The following DZIP3 variants were observed in gnomAD, a reference collection of about 807,000 sequenced individuals.
The protein encoded by DZIP3 is DAZ interacting zinc finger protein 3.
In DZIP3, 118 loss-of-function variants were observed where a neutral mutation model predicts 162.0. That is an observed-to-expected ratio of 0.73 (90% CI 0.63 to 0.85). The LOEUF is 0.85. DZIP3 is among the 40% of genes least tolerant of loss of function. The pLI is 0.00. For synonymous variants in DZIP3, 438 were observed against 458.6 expected (o/e 0.96, Z 0.57); for missense variants, 1,331 against 1,407.0 (o/e 0.95, Z 0.86).
chr3:108,689,615 A>T (rs551696386), intron 31 of DZIP3, among the ~76,000 whole-genome samples: 2 of 152,274 alleles, frequency 1.3e-5, no homozygotes, highest in East Asian at 3.9e-4. Flanking sequence ...TGAACCCAGG[A>T]GGTGGTGCTT....
At chr3:108,636,564 T>G (rs1942154940) in intron 10 of DZIP3, 52 bp from the exon 11 acceptor site, 1 of 1,139,734 alleles carries the variant, frequency 8.8e-7, no homozygotes, top group African/African-American at 1.9e-5. Flanking sequence ...TAATCAGATT[T>G]GCACATCAGT....
intron 1 of DZIP3, among the ~76,000 whole-genome samples, chr3:108,596,440 T>A (rs889828753): frequency 5.3e-5 from 8 of 152,172 alleles, no homozygotes; most frequent in African/African-American, 1.9e-4. Flanking sequence ...AAAAGACTTT[T>A]TAGGACTGAA....
chr3:108,657,791 G>A lies in DZIP3; in HGVS notation c.2199+3481G>A, dbSNP rs1943205947. On this transcript the variant is annotated intron_variant, in intron 19 of 32. Transcript: ENST00000361582. ...ATAGGCTCAAAATAAAGAGATGGAGGAAGATCTACCAAGCAAATGGAAAAC... is the reference window on the plus strand; with the variant it reads ...ATAGGCTCAAAATAAAGAGATGGAGAAAGATCTACCAAGCAAATGGAAAAC... Among the ~76,000 whole-genome samples, 3 of 152,268 alleles carry A rather than the reference G, an allele frequency of 2.0e-5. No individual in the cohort carries two copies. The South Asian group carries it at 6.2e-4, about 32-fold the overall frequency.
intron 1 of DZIP3, among the ~76,000 whole-genome samples, chr3:108,602,630 T>G (rs1940087395): frequency 6.6e-6 from 1 of 152,108 alleles, no homozygotes. Flanking sequence ...TTTACCTTTC[T>G]TTTTTTTCCT....
chr3:108,693,322 T>G (rs989936091), intron 32 of DZIP3, 38 bp from the exon 33 acceptor site: 8 of 152,214 alleles, frequency 5.3e-5, no homozygotes, highest in African/African-American at 1.9e-4. Context: ...TTAAATTATA[T>G]CTCAATATTC....
intron 12 of DZIP3, among the ~76,000 whole-genome samples, chr3:108,641,445 C>T (rs1415928320): frequency 6.6e-6 from 1 of 152,020 alleles, no homozygotes; most frequent in African/African-American, 2.4e-5. Context: ...AATTATTCTA[C>T]CATTAACAGA....
intron 4 of DZIP3, among the ~76,000 whole-genome samples, chr3:108,615,990 C>T (rs1292974600): frequency 6.6e-6 from 1 of 152,102 alleles, no homozygotes; most frequent in Non-Finnish European, 1.5e-5. Context: ...AGAGGCTGGG[C>T]GCAGTGGCTC....
rs533423058 is a variant in DZIP3 at position 108,672,909 on chromosome 3, G to A, written c.2589+253G>A. On this transcript the variant is annotated intron_variant, in intron 23 of 32. Transcript: ENST00000361582. The stretch of plus-strand genomic sequence containing the variant: ...TGAAGAAATTGGTCTGTTACAGTAT[G>A]TATAGCAAATACAGACATCTTGGGG... 2.7e-4 allele frequency among the ~76,000 whole-genome samples: 41 copies of A among 152,004 alleles called. No individual in the cohort carries two copies. The South Asian group carries it at 7.7e-3, about 28-fold the overall frequency.
At chr3:108,611,569 A>G (rs193188752) in intron 4 of DZIP3, among the ~76,000 whole-genome samples, 1 of 152,274 alleles carries the variant, frequency 6.6e-6, no homozygotes, top group East Asian at 1.9e-4. Flanking sequence ...GTAGCTTGTA[A>G]GCTGTTGACT....
At chr3:108,633,654 T>C (rs985697328) in intron 9 of DZIP3, among the ~76,000 whole-genome samples, 4 of 149,122 alleles carry the variant, frequency 2.7e-5, no homozygotes, top group African/African-American at 9.8e-5. Context: ...GATCTCTCTC[T>C]CTGGATCTAT....
At position 108,693,539 on chromosome 3, in the gene DZIP3, A is replaced by G. The variant is rs537875689; in HGVS notation, c.*186A>G. 12 of 152,256 alleles carry G rather than the reference A, an allele frequency of 7.9e-5. No homozygotes were observed. The highest frequency in any genetic ancestry group is 2.4e-4 in the African/African-American group (10 of 41,570). The allele number at this position is 152,256 out of a possible 1,614,324, so 9.4% of individuals were successfully genotyped here. A position where few individuals can be genotyped will look rare whatever the true frequency, so the allele number is the denominator to read the frequency against. On this transcript the variant is annotated 3_prime_UTR_variant, in exon 33 of 33. Transcript: ENST00000361582. ...GGAGTATTTACACCATAGAAATGCT[A>G]TAAGTGAAGACCTACCTTTCCCTTA...
Position 108,675,892 on chromosome 3 carries a change from T to G in DZIP3, c.2781+19T>G, listed in dbSNP as rs1419915691. On this transcript the variant is annotated intron_variant, in intron 25 of 32. Coordinates refer to ENST00000361582, the MANE Select transcript of DZIP3 (RefSeq NM_014648.4). ...CCTCAGGGTAAGTCCTGAAGTATAT[T>G]TGGAGAAAATTGGCTTAATGTTATA... 6.3e-7 allele frequency: 1 copy of G among 1,597,752 alleles called. No homozygotes were observed. Among genetic ancestry groups the G allele is most frequent in the South Asian group, 1.1e-5 (1 of 88,822 alleles).
chr3:108,676,113 C>A lies in DZIP3; in HGVS notation c.2781+240C>A, dbSNP rs369993536. Among the ~76,000 whole-genome samples the A allele has an allele frequency of 2.7e-5, 4 of 150,764 alleles. No individual in the cohort carries two copies. The East Asian group carries it at 7.8e-4, about 29-fold the overall frequency. ...AAACTCAAAAATTGTGCCCTCACAC[C>A]TAGCTTTCCTAGAATTTCAAAGCTA... is the stretch of plus-strand genomic sequence containing the variant. On this transcript the variant is annotated intron_variant, in intron 25 of 32. Transcript: ENST00000361582.
In DZIP3 at chr3:108,636,643, G is replaced by A. The variant is rs369789375; in HGVS notation, c.946G>A (p.Glu316Lys). The change falls in exon 11 of 33, where the codon GAA becomes AAA. Residue 316 changes from glutamate (E) to lysine (K), a missense_variant. Transcript: ENST00000361582. ...TTTTAGTGGGAAAAAATGTTTGAAG[G>A]AAGGATGTACAGGTGACATGGTAAG... is the stretch of plus-strand genomic sequence containing the variant. ...QSFSGKKCLK[E>K]GCTGDMVRML... The A allele has an allele frequency of 3.8e-6, 6 of 1,565,478 alleles. No homozygotes were observed. The African/African-American group carries it at 8.4e-5, about 22-fold the overall frequency.
intron 5 of DZIP3, among the ~76,000 whole-genome samples, chr3:108,622,874 C>CTGTGTG (rs1461934139): frequency 7.6e-5 from 8 of 105,274 alleles, no homozygotes; most frequent in African/African-American, 2.8e-4. Flanking sequence ...CTCTCTCTCT[C>CTGTGTG]TCTCTCTGTG....
In DZIP3 at chr3:108,625,957, G is replaced by A. The variant is rs766874285; in HGVS notation, c.569G>A (p.Cys190Tyr). ...TATTTTGGACGTGGTTTACTGCGATGTGCTCAAAAGAGGTAAGGATTTTAA... is the reference window on the plus strand; with the variant it reads ...TATTTTGGACGTGGTTTACTGCGATATGCTCAAAAGAGGTAAGGATTTTAA... ...LVYFGRGLLR[C>Y]AQKRYNGGLL... Residue 190 changes from cysteine to tyrosine, a missense_variant, in exon 7 of 33, where the codon TGT becomes TAT. Around this residue, in one of 2 missense-constraint regions of DZIP3, gnomAD observed 1,278 missense variants for 1,317.1 expected, o/e 0.97. Coordinates refer to ENST00000361582, the MANE Select transcript of DZIP3 (RefSeq NM_014648.4). The A allele has an allele frequency of 3.1e-6, 5 of 1,611,262 alleles. No individual in the cohort carries two copies. The highest frequency in any genetic ancestry group is 3.4e-6 in the Non-Finnish European group (4 of 1,179,228).
chr3:108,594,185 G>A (rs1352892630), intron 1 of DZIP3, among the ~76,000 whole-genome samples: 1 of 151,216 alleles, frequency 6.6e-6, no homozygotes, highest in Non-Finnish European at 1.5e-5. Context: ...GCTTTCCAAG[G>A]GTTTGTCCAT....
At chr3:108,594,557 A>G (rs1314642893) in intron 1 of DZIP3, among the ~76,000 whole-genome samples, 2 of 151,474 alleles carry the variant, frequency 1.3e-5, no homozygotes, top group Non-Finnish European at 2.9e-5. Context: ...TAAGCCTAGT[A>G]CCTGTTAGTT....
chr3:108,646,613 A>T lies in DZIP3; in HGVS notation c.1760-4A>T. 1 of 1,578,946 alleles carries T rather than the reference A, an allele frequency of 6.3e-7. No homozygotes were observed. The highest frequency in any genetic ancestry group is 1.1e-5 in the South Asian group (1 of 87,578). ...CATCTAAAATTTTTCTTTATGTATT[A>T]TAGGAATTGCTCTACAGTCAATAAC... On this transcript the variant is annotated splice_polypyrimidine_tract_variant and splice_region_variant and intron_variant, in intron 14 of 32. Coordinates refer to ENST00000361582, the MANE Select transcript of DZIP3 (RefSeq NM_014648.4).
Sources: gnomAD v4.1 joint callset for allele counts (sites outside exome capture counted in the v4.1 genomes callset) on GRCh38, gnomAD v4.1.1 for gene constraint, gnomAD v4.1.1 regional missense constraint, MANE v1.5 for transcripts, NCBI Gene and HGNC (gene_info 2026-07-23, HGNC 2026-07-21) for gene names.